Variants in CDH11 observed in about 807,000 individuals in gnomAD.
CDH11 encodes the protein cadherin 11.
In CDH11, 11 loss-of-function variants were observed where a neutral mutation model predicts 67.8. The ratio of observed to expected loss-of-function variants is 0.16; its 90% confidence interval spans 0.10 to 0.27. The LOEUF (loss-of-function observed/expected upper bound fraction) is 0.27, where lower values mean the gene tolerates loss of function less well. Among genes scored for constraint, CDH11 ranks in the 10% least tolerant of loss-of-function variants. The pLI is 1.00. For synonymous variants in CDH11, 419 were observed against 400.0 expected (o/e 1.05, Z -0.57); for missense variants, 847 against 1,031.2 (o/e 0.82, Z 2.45).
chr16:65,099,777 A>G (rs1455158887), intron 1 of CDH11, among the ~76,000 whole-genome samples: 2 of 152,184 alleles, frequency 1.3e-5, no homozygotes, highest in Non-Finnish European at 2.9e-5. Context: ...CATGAGGGCA[A>G]GTCATAACTT....
intron 8 of CDH11, among the ~76,000 whole-genome samples, chr16:64,974,603 A>G (rs2072110970): frequency 6.6e-6 from 1 of 152,148 alleles, no homozygotes; most frequent in South Asian, 2.1e-4. Context: ...ACTTAACTTC[A>G]CAGCTCCCCA....
At chr16:65,107,866 C>T (rs1299612266) in intron 1 of CDH11, among the ~76,000 whole-genome samples, 2 of 152,104 alleles carry the variant, frequency 1.3e-5, no homozygotes, top group Non-Finnish European at 2.9e-5. Flanking sequence ...GGCCACTTTA[C>T]AGATGAGGAA....
chr16:64,985,453 A>T (rs529602035), intron 7 of CDH11: 1 of 152,092 alleles, frequency 6.6e-6, no homozygotes, highest in Admixed American at 6.6e-5. Flanking sequence ...GCAGTTTCTT[A>T]AATGTGTCCT....
intron 2 of CDH11, among the ~76,000 whole-genome samples, chr16:65,036,395 C>A (rs373180286): frequency 6.6e-6 from 1 of 152,156 alleles, no homozygotes; most frequent in African/African-American, 2.4e-5. Flanking sequence ...GGTACTCTAC[C>A]TGCTTATATT....
chr16:64,969,117 C>G (rs1394528419), intron 11 of CDH11, among the ~76,000 whole-genome samples: 2 of 152,108 alleles, frequency 1.3e-5, no homozygotes, highest in Admixed American at 1.3e-4. Flanking sequence ...ATTGGCTCAT[C>G]TAGGGTTATA....
intron 1 of CDH11, among the ~76,000 whole-genome samples, chr16:65,059,187 G>A (rs1018789178): frequency 5.3e-5 from 8 of 152,204 alleles, no homozygotes; most frequent in Admixed American, 2.6e-4. Flanking sequence ...CTCCCACTGC[G>A]TGGTTAGGGG....
At chr16:65,009,969 G>A (rs1361370102) in intron 2 of CDH11, among the ~76,000 whole-genome samples, 1 of 152,152 alleles carries the variant, frequency 6.6e-6, no homozygotes, top group Non-Finnish European at 1.5e-5. Flanking sequence ...TAAAGAAAAT[G>A]ACATATACGG....
chr16:64,983,144 T>TTTA (rs1555514670), intron 7 of CDH11: 1 of 145,902 alleles, frequency 6.9e-6, no homozygotes, highest in South Asian at 2.1e-4. Flanking sequence ...CTTCTTTTTT[T>TTTA]AAAAAAAAAA....
intron 11 of CDH11, among the ~76,000 whole-genome samples, chr16:64,963,758 C>T (rs1211685887): frequency 1.3e-5 from 2 of 152,086 alleles, no homozygotes; most frequent in East Asian, 3.8e-4. Flanking sequence ...AGAATTACAT[C>T]CACCTTCTCA....
At chr16:65,004,316 T>C (rs2072995649) in intron 3 of CDH11, among the ~76,000 whole-genome samples, 1 of 152,116 alleles carries the variant, frequency 6.6e-6, no homozygotes, top group South Asian at 2.1e-4. Flanking sequence ...GAGATTACAG[T>C]GAGCTATGAT....
At chr16:65,120,901 C>T (rs12598660) in intron 1 of CDH11, among the ~76,000 whole-genome samples, 7,214 of 152,192 alleles carry the variant, frequency 0.047, 230 homozygotes, top group East Asian at 0.16. Context: ...TACAGTTCCT[C>T]TGGGTTGGGG....
intron 4 of CDH11, among the ~76,000 whole-genome samples, chr16:64,997,541 T>C (rs1311722062): frequency 6.6e-6 from 1 of 152,112 alleles, no homozygotes; most frequent in Non-Finnish European, 1.5e-5. Context: ...CTGTTTCCTC[T>C]GTATGGATTT....
At chr16:65,085,231 A>AT (rs1302536772) in intron 1 of CDH11, among the ~76,000 whole-genome samples, 1 of 152,160 alleles carries the variant, frequency 6.6e-6, no homozygotes, top group Non-Finnish European at 1.5e-5. Flanking sequence ...ATTTCTAACC[A>AT]TTCTTGCCCC....
At chr16:65,098,515 A>AGTGTGTGTGT (rs35258390) in intron 1 of CDH11, among the ~76,000 whole-genome samples, 1 of 148,344 alleles carries the variant, frequency 6.7e-6, no homozygotes, top group Non-Finnish European at 1.5e-5. Context: ...TGTGTCTTCA[A>AGTGTGTGTGT]GTGTGTGTGT....
chr16:64,985,889 G>T (rs933941206), intron 7 of CDH11: 2 of 151,460 alleles, frequency 1.3e-5, no homozygotes, highest in Non-Finnish European at 2.9e-5. Context: ...TTTAATTATT[G>T]TATCACTTCA....
intron 11 of CDH11, among the ~76,000 whole-genome samples, chr16:64,953,691 C>T (rs1307722995): frequency 6.6e-6 from 1 of 152,044 alleles, no homozygotes; most frequent in Non-Finnish European, 1.5e-5. Context: ...TAAATTAATT[C>T]AAAATATATT....
At chr16:65,073,777 A>T (rs2074460455) in intron 1 of CDH11, among the ~76,000 whole-genome samples, 1 of 151,854 alleles carries the variant, frequency 6.6e-6, no homozygotes, top group Non-Finnish European at 1.5e-5. Context: ...TAAAATGCAG[A>T]CTCTGCTCCA....
At chr16:65,091,703 C>G (rs1354666536) in intron 1 of CDH11, among the ~76,000 whole-genome samples, 3 of 152,078 alleles carry the variant, frequency 2.0e-5, no homozygotes, top group Admixed American at 6.5e-5. Context: ...AGGCGCCCAC[C>G]ACCACGCCCG....
At chr16:64,988,649 C>CTT (rs1330511467) in intron 6 of CDH11, among the ~76,000 whole-genome samples, 28 of 152,274 alleles carry the variant, frequency 1.8e-4, no homozygotes, top group African/African-American at 6.5e-4. Flanking sequence ...TGATGGAGAA[C>CTT]CATGCATGTC....
Sources: gnomAD v4.1 joint callset for allele counts (sites outside exome capture counted in the v4.1 genomes callset) on GRCh38, gnomAD v4.1.1 for gene constraint, MANE v1.5 for transcripts, NCBI Gene and HGNC (gene_info 2026-07-23, HGNC 2026-07-21) for gene names.